DGKI: variants seen among roughly 807,000 people sequenced by gnomAD.
DGKI encodes DAG kinase iota.
DGKI carries 55 observed loss-of-function variants against 147.5 expected under a neutral mutation model. The ratio of observed to expected loss-of-function variants is 0.37; its 90% CI spans 0.30 to 0.47. DGKI has a LOEUF of 0.47. DGKI is among the 20% of genes least tolerant of loss of function. The pLI, the probability that DGKI is intolerant of heterozygous loss-of-function variation, is 1.00. For missense variants in DGKI, 1,007 were observed against 1,323.8 expected (o/e 0.76, Z 3.71); for synonymous variants, 469 against 477.1 (o/e 0.98, Z 0.22).
At chr7:137,683,525 C>G (rs981604437) in intron 2 of DGKI, among the ~76,000 whole-genome samples, 2 of 152,102 alleles carry the variant, frequency 1.3e-5, no homozygotes, top group Non-Finnish European at 2.9e-5. Flanking sequence ...CAGGCATATG[C>G]CAACACACTG....
chr7:137,450,146 T>C (rs919004423), intron 27 of DGKI, among the ~76,000 whole-genome samples: 5 of 152,090 alleles, frequency 3.3e-5, no homozygotes, highest in African/African-American at 1.2e-4. Context: ...GTGAGGGAGA[T>C]GGGAGACATG....
intron 23 of DGKI, among the ~76,000 whole-genome samples, chr7:137,472,527 T>C (rs979278661): frequency 2.0e-5 from 3 of 148,050 alleles, no homozygotes; most frequent in African/African-American, 7.4e-5. Context: ...GAACTGGATT[T>C]TCATCCTGAT....
intron 4 of DGKI, among the ~76,000 whole-genome samples, chr7:137,655,088 G>A (rs1822170314): frequency 6.6e-6 from 1 of 152,100 alleles, no homozygotes; most frequent in African/African-American, 2.4e-5. Context: ...AGAGCCAGAG[G>A]AAAGATACTG....
intron 29 of DGKI, among the ~76,000 whole-genome samples, chr7:137,409,958 T>TTA (rs1812100807): frequency 6.6e-6 from 1 of 152,106 alleles, no homozygotes; most frequent in Admixed American, 6.5e-5. Flanking sequence ...ATTTAATATT[T>TTA]TATATATATT....
chr7:137,727,139 T>G (rs1357421833), intron 1 of DGKI, among the ~76,000 whole-genome samples: 2 of 152,264 alleles, frequency 1.3e-5, no homozygotes, highest in East Asian at 3.9e-4. Context: ...AAGTATTTTT[T>G]TCCTTAACAG....
intron 1 of DGKI, among the ~76,000 whole-genome samples, chr7:137,798,462 C>A (rs551773163): frequency 7.4e-4 from 112 of 152,298 alleles, no homozygotes; most frequent in Middle Eastern, 3.4e-3. Context: ...CAGTCCATCA[C>A]CCAGGCTGGA....
chr7:137,644,260 C>T (rs1821753316), intron 6 of DGKI, among the ~76,000 whole-genome samples: 1 of 152,202 alleles, frequency 6.6e-6, no homozygotes, highest in South Asian at 2.1e-4. Flanking sequence ...ACCCTGCTTT[C>T]ACCCTGTTTT....
At chr7:137,402,777 C>A (rs1562996771) in intron 30 of DGKI, among the ~76,000 whole-genome samples, 2 of 152,114 alleles carry the variant, frequency 1.3e-5, no homozygotes, top group African/African-American at 2.4e-5. Context: ...AGAGCTGGCA[C>A]TGGGAATGCT....
rs997874209 is a variant in DGKI, at chr7:137,643,164, G to A, written c.804+2308C>T. Among the ~76,000 whole-genome samples, 7 of 150,924 alleles carry A rather than the reference G, an allele frequency of 4.6e-5. No individual in the cohort carries two copies. The South Asian group carries it at 6.3e-4, about 14-fold the overall frequency. On this transcript the variant is annotated intron_variant, in intron 6 of 32. Transcript: ENST00000614521. ...AAATTAGCCGGGCGTGTTGGCGGGC[G>A]CCTGTAGTCCCAGCTACTTGGGAGG...
chr7:137,549,160 T>C (rs577537318), intron 20 of DGKI, among the ~76,000 whole-genome samples: 11 of 152,146 alleles, frequency 7.2e-5, no homozygotes, highest in African/African-American at 2.2e-4. Context: ...GATGGTGGGG[T>C]AGAAAAGTCA....
At chr7:137,464,985 T>C (rs908711054) in intron 26 of DGKI, among the ~76,000 whole-genome samples, 1 of 152,236 alleles carries the variant, frequency 6.6e-6, no homozygotes, top group African/African-American at 2.4e-5. Flanking sequence ...ATTCCCCAAG[T>C]GCTTACACTA....
At chr7:137,468,879 C>T (rs1018893365) in intron 24 of DGKI, among the ~76,000 whole-genome samples, 8 of 151,882 alleles carry the variant, frequency 5.3e-5, no homozygotes, top group African/African-American at 1.9e-4. Flanking sequence ...TCCATATGAA[C>T]AAAAGAGAGA....
At chr7:137,517,302 A>AGAAAGAAAGAAG (rs1816795915) in intron 21 of DGKI, among the ~76,000 whole-genome samples, 1 of 138,410 alleles carries the variant, frequency 7.2e-6, no homozygotes, top group Admixed American at 7.2e-5. Flanking sequence ...AAAGAAAGAA[A>AGAAAGAAAGAAG]GAAAGAAAGA....
chr7:137,456,525 A>G (rs1333711189), intron 27 of DGKI, among the ~76,000 whole-genome samples: 1 of 152,060 alleles, frequency 6.6e-6, no homozygotes, highest in East Asian at 1.9e-4. Context: ...TGCTATGGAG[A>G]CAGAGGGAGA....
chr7:137,840,022 C>T (rs1798500462), intron 1 of DGKI, among the ~76,000 whole-genome samples: 1 of 152,234 alleles, frequency 6.6e-6, no homozygotes, highest in Non-Finnish European at 1.5e-5. Context: ...TACCCAATCA[C>T]AGCCCCCTCC....
intron 20 of DGKI, among the ~76,000 whole-genome samples, chr7:137,526,941 T>C (rs911517819): frequency 1.3e-5 from 2 of 152,180 alleles, no homozygotes; most frequent in African/African-American, 2.4e-5. Flanking sequence ...GCTGAGCGTT[T>C]TGGTTCTCCA....
At chr7:137,789,768 A>C (rs190866230) in intron 1 of DGKI, among the ~76,000 whole-genome samples, 2 of 152,288 alleles carry the variant, frequency 1.3e-5, no homozygotes, top group Admixed American at 1.3e-4. Context: ...TCCTATCAGA[A>C]ATTCTCCAAC....
At chr7:137,446,355 C>T (rs146950249) in intron 27 of DGKI, among the ~76,000 whole-genome samples, 47 of 152,306 alleles carry the variant, frequency 3.1e-4, no homozygotes, top group African/African-American at 9.4e-4. Flanking sequence ...ATATGCCTGG[C>T]TTTGTGGAAT....
chr7:137,631,732 C>CA lies in DGKI; in HGVS notation c.805-8179dup, dbSNP rs11288883. Among the ~76,000 whole-genome samples the CA allele has an allele frequency of 2.5e-3, 366 of 146,204 alleles. 2 individuals are homozygous for CA. Among genetic ancestry groups the CA allele is most frequent in the African/African-American group, 7.3e-3 (292 of 40,210 alleles). On this transcript the variant is annotated intron_variant, in intron 6 of 32. Coordinates refer to ENST00000614521, the MANE Select transcript of DGKI (RefSeq NM_001321708.2). ...CCAGGGTGCCTCTTGAAAATTTGAA[C>CA]AAAAAAAAAATGAACCATGTTAAGT...
Sources: allele counts gnomAD v4.1 joint callset (sites outside exome capture counted in the v4.1 genomes callset), GRCh38; gene constraint gnomAD v4.1.1; transcripts MANE v1.5; gene names NCBI Gene and HGNC (gene_info 2026-07-23, HGNC 2026-07-21).